Variants in AFG2A observed in about 807,000 individuals in gnomAD.
AFG2A encodes the protein AAA ATPase AFG2A, also known as ATPase family gene 2 protein homolog A.
the AFG2A span, among the ~76,000 whole-genome samples, chr4:123,025,141 T>C: frequency 2.7e-4 from 41 of 152,332 alleles, no homozygotes; most frequent in African/African-American, 9.6e-4. Flanking sequence ...CTAGAAGGAC[T>C]GTATGGTCTG....
chr4:123,162,050 T>C, the AFG2A span, among the ~76,000 whole-genome samples: 1 of 151,798 alleles, frequency 6.6e-6, no homozygotes, highest in East Asian at 1.9e-4. Context: ...GAAGGAGGAA[T>C]GTGATAGGCA....
At chr4:122,987,696 C>T in the AFG2A span, among the ~76,000 whole-genome samples, 1 of 152,178 alleles carries the variant, frequency 6.6e-6, no homozygotes, top group Admixed American at 6.5e-5. Flanking sequence ...ACAGACTCTA[C>T]TCTTTAATTT....
the AFG2A span, chr4:123,090,590 C>A: frequency 9.3e-6 from 15 of 1,613,842 alleles, no homozygotes; most frequent in East Asian, 3.1e-4. Context: ...TCTTTAGGTG[C>A]TGGGAATGTA....
At chr4:123,275,705 G>A in the AFG2A span, among the ~76,000 whole-genome samples, 2 of 151,962 alleles carry the variant, frequency 1.3e-5, no homozygotes, top group Non-Finnish European at 2.9e-5. Flanking sequence ...GTGTCCATGT[G>A]TTCTTGTTGT....
At chr4:122,967,575 C>T in the AFG2A span, among the ~76,000 whole-genome samples, 124,666 of 152,150 alleles carry the variant, frequency 0.82, 52,566 homozygotes, top group East Asian at 0.96. Context: ...ATTTTGTATT[C>T]TAGTATATTT....
the AFG2A span, among the ~76,000 whole-genome samples, chr4:123,231,632 T>A: frequency 6.6e-6 from 1 of 152,018 alleles, no homozygotes; most frequent in African/African-American, 2.4e-5. Flanking sequence ...GCTTACTGAT[T>A]GGCAGAGGAG....
chr4:123,236,842 A>T, the AFG2A span, among the ~76,000 whole-genome samples: 148 of 152,352 alleles, frequency 9.7e-4, 1 homozygote, highest in Admixed American at 9.5e-3. Flanking sequence ...GGGGAACAAG[A>T]TTCTTCTAGA....
At chr4:123,225,619 T>C in the AFG2A span, among the ~76,000 whole-genome samples, 1 of 152,364 alleles carries the variant, frequency 6.6e-6, no homozygotes, top group East Asian at 1.9e-4. Context: ...TGTAGCCTTG[T>C]AGTATAGTTT....
the AFG2A span, among the ~76,000 whole-genome samples, chr4:122,955,868 C>T: frequency 2.6e-3 from 389 of 152,274 alleles, no homozygotes; most frequent in Middle Eastern, 0.031. Context: ...TGTGAAGCTG[C>T]TTCTAGCGTC....
chr4:123,312,736 G>A, the AFG2A span, among the ~76,000 whole-genome samples: 24 of 152,056 alleles, frequency 1.6e-4, no homozygotes, highest in African/African-American at 5.3e-4. Context: ...AGTTAACTTC[G>A]GCGCTCATTA....
the AFG2A span, among the ~76,000 whole-genome samples, chr4:122,930,936 A>C: frequency 1.7e-5 from 2 of 119,148 alleles, no homozygotes; most frequent in Admixed American, 1.9e-4. Context: ...ATGTTTTAAA[A>C]AATCTTATGT....
the AFG2A span, among the ~76,000 whole-genome samples, chr4:123,065,759 G>T: frequency 2.6e-5 from 4 of 151,980 alleles, no homozygotes; most frequent in African/African-American, 9.7e-5. Flanking sequence ...CTGAGAAAAT[G>T]GTGCTGAGAA....
At chr4:123,295,011 G>A in the AFG2A span, among the ~76,000 whole-genome samples, 2 of 152,176 alleles carry the variant, frequency 1.3e-5, no homozygotes, top group Admixed American at 1.3e-4. Flanking sequence ...TCAAGCCCAT[G>A]ATTGCTGCTT....
At chr4:123,102,882 T>C in the AFG2A span, among the ~76,000 whole-genome samples, 1 of 150,064 alleles carries the variant, frequency 6.7e-6, no homozygotes, top group Non-Finnish European at 1.5e-5. Flanking sequence ...GAAAACCTAG[T>C]TCCTTTATGA....
At chr4:122,995,123 T>C in the AFG2A span, among the ~76,000 whole-genome samples, 1 of 152,136 alleles carries the variant, frequency 6.6e-6, no homozygotes, top group South Asian at 2.1e-4. Flanking sequence ...TAGAAGAAAT[T>C]CATTTTAGTT....
At chr4:123,263,876 A>G in the AFG2A span, among the ~76,000 whole-genome samples, 20 of 152,192 alleles carry the variant, frequency 1.3e-4, no homozygotes, top group Admixed American at 1.1e-3. Context: ...CCCAGAGGAA[A>G]TAAGTCATTA....
chr4:123,160,813 A>G, the AFG2A span, among the ~76,000 whole-genome samples: 2 of 151,560 alleles, frequency 1.3e-5, no homozygotes, highest in East Asian at 1.9e-4. Context: ...ACTGCTATAT[A>G]TAGGTTTTTT....
chr4:123,173,123 T>C, the AFG2A span, among the ~76,000 whole-genome samples: 1 of 152,122 alleles, frequency 6.6e-6, no homozygotes, highest in Non-Finnish European at 1.5e-5. Flanking sequence ...AAATAGATTT[T>C]ATAGGACATT....
the AFG2A span, among the ~76,000 whole-genome samples, chr4:123,009,135 A>C: frequency 6.6e-6 from 1 of 152,222 alleles, no homozygotes; most frequent in Non-Finnish European, 1.5e-5. Flanking sequence ...GTCCAGAAGA[A>C]ACCAGGTACA....
Sources: gnomAD v4.1 joint callset for allele counts (sites outside exome capture counted in the v4.1 genomes callset) on GRCh38, gnomAD v4.1.1 for gene constraint, MANE v1.5 for transcripts, NCBI Gene and HGNC (gene_info 2026-07-23, HGNC 2026-07-21) for gene names.